EYS: variants seen among roughly 807,000 people sequenced by gnomAD.
The protein encoded by EYS is protein eyes shut homolog.
A neutral mutation model predicts 282.1 loss-of-function variants in EYS; 250 were observed. The ratio of observed to expected loss-of-function variants is 0.89; its 90% CI spans 0.80 to 0.98. The LOEUF is 0.98. EYS is among the 50% of genes least tolerant of loss of function. The pLI, the probability that EYS is intolerant of heterozygous loss-of-function variation, is 0.00. For missense variants in EYS, 4,016 were observed against 3,709.0 expected (o/e 1.08, Z -2.15); for synonymous variants, 1,355 against 1,282.9 (o/e 1.06, Z -1.20).
At chr6:64,145,008 A>G (rs189528260) in intron 31 of EYS, among the ~76,000 whole-genome samples, 90 of 152,284 alleles carry the variant, frequency 5.9e-4, no homozygotes, top group African/African-American at 1.9e-3. Flanking sequence ...GGCTGGATAT[A>G]TCAGTTTTAT....
chr6:64,782,746 T>C (rs1773899369), intron 22 of EYS, among the ~76,000 whole-genome samples: 1 of 152,220 alleles, frequency 6.6e-6, no homozygotes, highest in African/African-American at 2.4e-5. Flanking sequence ...AAAGTCCATA[T>C]GTAAAAGAAT....
chr6:64,890,560 G>A (rs966146311), intron 18 of EYS, among the ~76,000 whole-genome samples: 3 of 151,990 alleles, frequency 2.0e-5, no homozygotes, highest in Admixed American at 1.3e-4. Flanking sequence ...CAGGTTCCCC[G>A]ATATGTTATA....
chr6:65,429,562 T>G (rs564684537), intron 5 of EYS, among the ~76,000 whole-genome samples: 50 of 152,298 alleles, frequency 3.3e-4, no homozygotes, highest in African/African-American at 1.2e-3. Flanking sequence ...TCAAGCACAC[T>G]CTAATATCCT....
At chr6:65,267,264 T>C (rs1767782408) in intron 12 of EYS, among the ~76,000 whole-genome samples, 1 of 151,872 alleles carries the variant, frequency 6.6e-6, no homozygotes, top group South Asian at 2.1e-4. Context: ...AATTCTGCAA[T>C]TTTCTTTTCA....
chr6:63,963,321 AC>A lies in EYS; in HGVS notation c.7055+21061del, dbSNP rs979377396. Reference sequence around the variant, plus strand: ...AAAAGCAATAAAACCCAATCATGTAACAAAGTCATATGAACTCTTTAACTTT... The same window carrying A: ...AAAAGCAATAAAACCCAATCATGTAAAAAGTCATATGAACTCTTTAACTTT... On this transcript the variant is annotated intron_variant, in intron 35 of 42. Transcript: ENST00000503581. Among the ~76,000 whole-genome samples the A allele has an allele frequency of 7.6e-4, 116 of 152,198 alleles. 1 individual carries two copies. The highest frequency in any genetic ancestry group is 2.2e-4 in the Non-Finnish European group (15 of 68,024).
At chr6:63,877,003 C>T (rs1772991316) in intron 35 of EYS, among the ~76,000 whole-genome samples, 1 of 152,246 alleles carries the variant, frequency 6.6e-6, no homozygotes, top group South Asian at 2.1e-4. Flanking sequence ...GAATTTGATC[C>T]TGTCATTATG....
intron 5 of EYS, among the ~76,000 whole-genome samples, chr6:65,469,703 T>C (rs1765137871): frequency 1.3e-5 from 2 of 152,120 alleles, no homozygotes; most frequent in South Asian, 4.1e-4. Flanking sequence ...GTGAATACCA[T>C]TCAGCTCTTT....
intron 5 of EYS, among the ~76,000 whole-genome samples, chr6:65,485,182 C>G (rs570713933): frequency 6.6e-6 from 1 of 152,316 alleles, no homozygotes; most frequent in African/African-American, 2.4e-5. Context: ...AACTGTGCCA[C>G]TATTAATGAT....
chr6:64,454,013 T>TA (rs200909643), intron 26 of EYS, among the ~76,000 whole-genome samples: 50 of 150,176 alleles, frequency 3.3e-4, no homozygotes, highest in African/African-American at 8.0e-4. Context: ...ATAATAATAA[T>TA]AAAAAAAAAA....
chr6:64,097,195 G>A (rs944734930), intron 31 of EYS, among the ~76,000 whole-genome samples: 1 of 152,184 alleles, frequency 6.6e-6, no homozygotes. Context: ...GCTACTCTGG[G>A]GTCAGGGACC....
Position 64,583,341 on chromosome 6 carries a change from C to T in EYS, c.5644+6882G>A, listed in dbSNP as rs556822845. 5.9e-5 allele frequency among the ~76,000 whole-genome samples: 9 copies of T among 151,870 alleles called. No homozygotes were observed. The South Asian group carries it at 1.0e-3, about 18-fold the overall frequency. ...GGATATAAACATATGATTCAAAATA[C>T]GTAGAAAAGAAAAATGATGTTATTG... On this transcript the variant is annotated intron_variant, in intron 26 of 42. Coordinates refer to ENST00000503581, the MANE Select transcript of EYS (RefSeq NM_001142800.2).
intron 35 of EYS, among the ~76,000 whole-genome samples, chr6:63,972,841 T>C (rs1766649101): frequency 1.3e-5 from 2 of 152,122 alleles, no homozygotes; most frequent in Admixed American, 6.5e-5. Context: ...TCCAGCTTCA[T>C]CCATGTCCCT....
At chr6:64,535,623 C>T (rs1764495388) in intron 26 of EYS, among the ~76,000 whole-genome samples, 1 of 151,462 alleles carries the variant, frequency 6.6e-6, no homozygotes, top group East Asian at 1.9e-4. Flanking sequence ...GCCTGTACTC[C>T]CAGCTACTTG....
intron 36 of EYS, among the ~76,000 whole-genome samples, chr6:63,856,536 A>G (rs1396208592): frequency 6.6e-6 from 1 of 152,194 alleles, no homozygotes; most frequent in Non-Finnish European, 1.5e-5. Context: ...TTCTCTGTGT[A>G]AAAGTGGACA....
chr6:64,353,651 A>AT (rs1281771381), intron 29 of EYS, among the ~76,000 whole-genome samples: 1 of 151,658 alleles, frequency 6.6e-6, no homozygotes, highest in East Asian at 2.0e-4. Context: ...AGCATATTAA[A>AT]TTATCAAACA....
chr6:64,023,877 C>T (rs1190461903), intron 33 of EYS, among the ~76,000 whole-genome samples: 3 of 152,188 alleles, frequency 2.0e-5, no homozygotes, highest in Non-Finnish European at 2.9e-5. Context: ...TCGTAGTGGC[C>T]GGCCGGCCCC....
chr6:63,831,511 C>T (rs1771637564), intron 36 of EYS, among the ~76,000 whole-genome samples: 1 of 152,158 alleles, frequency 6.6e-6, no homozygotes, highest in Non-Finnish European at 1.5e-5. Context: ...ACAAAAAGAG[C>T]TAACTATCCT....
At chr6:63,767,193 A>C (rs1769810587) in intron 40 of EYS, among the ~76,000 whole-genome samples, 1 of 151,984 alleles carries the variant, frequency 6.6e-6, no homozygotes, top group Non-Finnish European at 1.5e-5. Flanking sequence ...GCCCACTCTC[A>C]CCACTCCTAT....
chr6:64,787,917 G>T (rs1227149557), intron 22 of EYS, among the ~76,000 whole-genome samples: 1 of 151,158 alleles, frequency 6.6e-6, no homozygotes, highest in African/African-American at 2.4e-5. Context: ...CTGTTATCTG[G>T]GTTTCCCTTT....
Sources: gnomAD v4.1 joint callset for allele counts (sites outside exome capture counted in the v4.1 genomes callset) on GRCh38, gnomAD v4.1.1 for gene constraint, MANE v1.5 for transcripts, NCBI Gene and HGNC (gene_info 2026-07-23, HGNC 2026-07-21) for gene names.